The following HHAT variants were observed in gnomAD, a reference collection of about 807,000 sequenced individuals.
HHAT encodes the protein protein-cysteine N-palmitoyltransferase HHAT.
A neutral mutation model predicts 70.8 loss-of-function variants in HHAT; 47 were observed. The ratio of observed to expected loss-of-function variants is 0.66; its 90% confidence interval spans 0.53 to 0.85. HHAT has a LOEUF of 0.85. Ranked by LOEUF, HHAT falls within the 40% of genes least tolerant of loss-of-function variation. The pLI is 0.00. For synonymous variants in HHAT, 228 were observed against 247.6 expected (o/e 0.92, Z 0.74); for missense variants, 609 against 604.8 (o/e 1.01, Z -0.07).
chr1:210,410,171 G>A (rs2148236874), intron 6 of HHAT, among the ~76,000 whole-genome samples: 1 of 151,924 alleles, frequency 6.6e-6, no homozygotes, highest in South Asian at 2.1e-4. Context: ...TCCTGCCTCA[G>A]CCTCCCGAGT....
intron 3 of HHAT, among the ~76,000 whole-genome samples, chr1:210,383,689 G>C (rs1261275124): frequency 1.3e-5 from 2 of 152,196 alleles, no homozygotes; most frequent in Non-Finnish European, 2.9e-5. Context: ...ACTGTGGTGG[G>C]AGATGCTGAT....
rs538717880 is a variant in HHAT, at chr1:210,474,167, C to A, written c.1007+9512C>A. On this transcript the variant is annotated intron_variant, in intron 8 of 11. Transcript: ENST00000261458. ...CTTTAGCTTTTAGAAAGACCACCCC[C>A]CATAGAATCCCTGCCTCCTAGCATG... Among the ~76,000 whole-genome samples the A allele has an allele frequency of 1.7e-3, 263 of 152,286 alleles. 1 individual carries two copies. Among genetic ancestry groups the A allele is most frequent in the Non-Finnish European group, 3.3e-3 (224 of 68,010 alleles).
chr1:210,478,164 T>TC (rs2094334424), intron 8 of HHAT, among the ~76,000 whole-genome samples: 1 of 152,216 alleles, frequency 6.6e-6, no homozygotes, highest in Admixed American at 6.5e-5. Flanking sequence ...AGTTGTGTGG[T>TC]CACTCACTCT....
Position 210,454,877 on chromosome 1 carries a change from A to G in HHAT, c.857-9628A>G, listed in dbSNP as rs1173280267. On this transcript the variant is annotated intron_variant, in intron 7 of 11. Transcript: ENST00000261458. ...AAAGAATAGTCACTCTGGGAAGTCA[A>G]CTCTCTCTTGGGTTTCCAAGTTAAT... Among the ~76,000 whole-genome samples, 7 of 152,248 alleles carry G rather than the reference A, an allele frequency of 4.6e-5. No homozygotes were observed. In the South Asian group the frequency reaches 1.2e-3, roughly 27 times the overall value.
In HHAT at chr1:210,558,953, T is replaced by G. The variant is rs534717949; in HGVS notation, c.1044-28945T>G. Among the ~76,000 whole-genome samples, 4 of 152,282 alleles carry G rather than the reference T, an allele frequency of 2.6e-5. No individual in the cohort carries two copies. The South Asian group carries it at 8.3e-4, about 32-fold the overall frequency. On this transcript the variant is annotated intron_variant, in intron 9 of 11. Transcript: ENST00000261458. ...GTGAGGAGACTGTGCTTCTAAAGTT[T>G]CTGTTTATTTCATAGTGATATCAAT...
At chr1:210,570,213 G>T (rs1481275664) in intron 9 of HHAT, among the ~76,000 whole-genome samples, 2 of 152,170 alleles carry the variant, frequency 1.3e-5, no homozygotes, top group Admixed American at 1.3e-4. Flanking sequence ...CCCACATTCT[G>T]CTCTGGAATT....
At chr1:210,585,176 T>C (rs1304989531) in intron 9 of HHAT, among the ~76,000 whole-genome samples, 2 of 149,576 alleles carry the variant, frequency 1.3e-5, no homozygotes, top group Admixed American at 1.3e-4. Context: ...TTTGCATCTT[T>C]GTCTTTCTCC....
intron 7 of HHAT, chr1:210,439,621 C>CTT (rs1000293428): frequency 1.3e-5 from 2 of 151,968 alleles, no homozygotes; most frequent in East Asian, 3.8e-4. Flanking sequence ...GAGTGAAAGC[C>CTT]TTGTAATAGG....
chr1:210,360,989 A>G (rs1270575597), intron 2 of HHAT, among the ~76,000 whole-genome samples: 1 of 151,828 alleles, frequency 6.6e-6, no homozygotes, highest in East Asian at 1.9e-4. Context: ...TTCTCCCACT[A>G]GAGGGAGATA....
At position 210,574,307 on chromosome 1, in the gene HHAT, C is replaced by T. The variant is rs144293067; in HGVS notation, c.1044-13591C>T. 1.1e-4 allele frequency among the ~76,000 whole-genome samples: 16 copies of T among 152,262 alleles called. No homozygotes were observed. The East Asian group carries it at 2.9e-3, about 28-fold the overall frequency. The stretch of plus-strand genomic sequence containing the variant: ...CTTCTGTGGCTGGGGGATGGGATGG[C>T]ATGATTACAAGGCCCAGGTTTGGGC... On this transcript the variant is annotated intron_variant, in intron 9 of 11. Coordinates refer to ENST00000261458, the MANE Select transcript of HHAT (RefSeq NM_018194.6).
intron 3 of HHAT, among the ~76,000 whole-genome samples, chr1:210,377,929 T>G (rs933286609): frequency 6.6e-6 from 1 of 152,158 alleles, no homozygotes; most frequent in Non-Finnish European, 1.5e-5. Context: ...ACTTTGTTAT[T>G]TACAGAAAAA....
chr1:210,454,083 C>G (rs866149970), intron 7 of HHAT, among the ~76,000 whole-genome samples: 3 of 152,128 alleles, frequency 2.0e-5, no homozygotes, highest in African/African-American at 4.8e-5. Context: ...ACGAGAATAG[C>G]GTGGGAAAGA....
At chr1:210,581,356 G>A (rs1387529438) in intron 9 of HHAT, among the ~76,000 whole-genome samples, 2 of 152,204 alleles carry the variant, frequency 1.3e-5, no homozygotes, top group Admixed American at 1.3e-4. Context: ...ACACTAAAAT[G>A]TGGGCCAAGG....
At position 210,602,485 on chromosome 1, in the gene HHAT, G is replaced by A. The variant is rs142473971; in HGVS notation, c.1245+14386G>A. On this transcript the variant is annotated intron_variant, in intron 10 of 11. Transcript: ENST00000261458. ...TGCAGGCTGGGAGAACAGTGCGTGC[G>A]CTACCTGAAGTCAGGCATGGGCATT... Among the ~76,000 whole-genome samples, 30 of 152,216 alleles carry A rather than the reference G, an allele frequency of 2.0e-4. No homozygotes were observed. In the East Asian group the frequency reaches 2.5e-3, roughly 13 times the overall value.
chr1:210,511,183 A>T lies in HHAT; in HGVS notation c.1008-1970A>T, dbSNP rs776738685. 4.8e-4 allele frequency among the ~76,000 whole-genome samples: 73 copies of T among 152,336 alleles called. 1 individual carries two copies. The highest frequency in any genetic ancestry group is 5.3e-4 in the Non-Finnish European group (36 of 68,032). On this transcript the variant is annotated intron_variant, in intron 8 of 11. Transcript: ENST00000261458. ...AGAACTTAGCATCTTATCCAGGTCA[A>T]TGTAAAATCAAATGAAACACATCAG...
chr1:210,502,996 C>T (rs1421963352), intron 8 of HHAT, among the ~76,000 whole-genome samples: 3 of 150,458 alleles, frequency 2.0e-5, no homozygotes, highest in Non-Finnish European at 4.4e-5. Context: ...GAGACGGTCT[C>T]CCTCTGTCAC....
chr1:210,439,113 T>C (rs1246352716), intron 7 of HHAT, among the ~76,000 whole-genome samples: 1 of 151,894 alleles, frequency 6.6e-6, no homozygotes, highest in Non-Finnish European at 1.5e-5. Flanking sequence ...CGCATTGAAA[T>C]AAAGAATTTC....
chr1:210,361,457 T>G (rs1327883869), intron 2 of HHAT, among the ~76,000 whole-genome samples: 1 of 152,096 alleles, frequency 6.6e-6, no homozygotes, highest in African/African-American at 2.4e-5. Flanking sequence ...CCTGGAGGTG[T>G]GCGGTGTGTA....
intron 9 of HHAT, among the ~76,000 whole-genome samples, chr1:210,530,934 T>A (rs1392355379): frequency 2.0e-5 from 3 of 152,236 alleles, no homozygotes; most frequent in African/African-American, 7.2e-5. Context: ...ATTATTTTCC[T>A]GTTTACCAAT....
Sources: allele counts gnomAD v4.1 joint callset (sites outside exome capture counted in the v4.1 genomes callset), GRCh38; gene constraint gnomAD v4.1.1; transcripts MANE v1.5; gene names NCBI Gene and HGNC (gene_info 2026-07-23, HGNC 2026-07-21).